KCNIP1: variants seen among roughly 807,000 people sequenced by gnomAD.
KCNIP1 encodes the protein A-type potassium channel modulatory protein KCNIP1.
KCNIP1 carries 18 observed loss-of-function variants against 33.0 expected under a neutral mutation model. That is an observed-to-expected ratio of 0.55 (90% confidence interval 0.38 to 0.81). KCNIP1 has a LOEUF of 0.81. KCNIP1 is among the 30% of genes least tolerant of loss of function. KCNIP1 has a pLI of 0.00. For missense variants in KCNIP1, 238 were observed against 271.6 expected (o/e 0.88, Z 0.87); for synonymous variants, 93 against 98.3 (o/e 0.95, Z 0.32).
intron 1 of KCNIP1, among the ~76,000 whole-genome samples, chr5:170,553,512 A>G (rs1041228701): frequency 6.6e-6 from 1 of 152,122 alleles, no homozygotes; most frequent in Non-Finnish European, 1.5e-5. Flanking sequence ...TAGGCTGTAC[A>G]TGATACCACC....
chr5:170,396,290 C>T (rs557585274), intron 1 of KCNIP1, among the ~76,000 whole-genome samples: 3 of 152,306 alleles, frequency 2.0e-5, no homozygotes, highest in East Asian at 1.9e-4. Flanking sequence ...TGCTCCCAGC[C>T]TGGGGAGACC....
At chr5:170,675,253 T>C (rs1762087240) in intron 1 of KCNIP1, among the ~76,000 whole-genome samples, 1 of 151,776 alleles carries the variant, frequency 6.6e-6, no homozygotes, top group Non-Finnish European at 1.5e-5. Context: ...GAACCATGAT[T>C]ACACCACTGA....
At chr5:170,367,480 C>T (rs1478417029) in intron 1 of KCNIP1, among the ~76,000 whole-genome samples, 3 of 151,100 alleles carry the variant, frequency 2.0e-5, no homozygotes, top group Non-Finnish European at 3.0e-5. Context: ...ATGTGCAGCA[C>T]CCAGCACAAG....
chr5:170,561,152 C>T lies in KCNIP1; in HGVS notation c.61+56519C>T. 3 of 455,676 alleles carry T rather than the reference C, an allele frequency of 6.6e-6. 1 individual carries two copies. Among genetic ancestry groups the T allele is most frequent in the Middle Eastern group, 3.3e-4 (1 of 3,064 alleles). 28.2% of individuals were successfully genotyped at this position (455,676 alleles called of 1,614,324 possible). ...TAAAGGAGCTGGAGATGTGTTTATG[C>T]TCCTTCGAGGGCTGAGATGAAACAC... On this transcript the variant is annotated intron_variant, in intron 1 of 7. Transcript: ENST00000328939.
chr5:170,451,775 A>AG (rs979474487), intron 1 of KCNIP1, among the ~76,000 whole-genome samples: 7 of 72,758 alleles, frequency 9.6e-5, no homozygotes, highest in Non-Finnish European at 1.7e-4. Context: ...GTGTGTTTGC[A>AG]GGGGGAAGAT....
intron 1 of KCNIP1, among the ~76,000 whole-genome samples, chr5:170,458,392 G>C (rs1756436408): frequency 6.6e-6 from 1 of 152,156 alleles, no homozygotes; most frequent in South Asian, 2.1e-4. Flanking sequence ...TAGACACATT[G>C]TCATCAGGTT....
At chr5:170,580,301 T>C (rs1327194800) in intron 1 of KCNIP1, among the ~76,000 whole-genome samples, 1 of 152,230 alleles carries the variant, frequency 6.6e-6, no homozygotes, top group Non-Finnish European at 1.5e-5. Context: ...AAGTACCATC[T>C]CTAGGAAGAC....
intron 1 of KCNIP1, among the ~76,000 whole-genome samples, chr5:170,417,820 T>C (rs924360837): frequency 6.6e-6 from 1 of 152,208 alleles, no homozygotes; most frequent in Non-Finnish European, 1.5e-5. Flanking sequence ...CTCTCTCTTC[T>C]TTTCCTAAGT....
At chr5:170,552,787 T>G (rs1756698165) in intron 1 of KCNIP1, among the ~76,000 whole-genome samples, 1 of 152,228 alleles carries the variant, frequency 6.6e-6, no homozygotes, top group African/African-American at 2.4e-5. Flanking sequence ...CGATTGATGC[T>G]TCCCAAGTTC....
intron 1 of KCNIP1, among the ~76,000 whole-genome samples, chr5:170,430,060 C>T (rs377341717): frequency 2.6e-5 from 4 of 152,362 alleles, no homozygotes; most frequent in East Asian, 1.9e-4. Context: ...TTGTCCCACA[C>T]ACTCTACTCC....
chr5:170,390,517 A>AAAAAAAAAAATATATAT, intron 1 of KCNIP1, among the ~76,000 whole-genome samples: 1 of 74,544 alleles, frequency 1.3e-5, no homozygotes, highest in African/African-American at 6.4e-5. Flanking sequence ...AAAAAAAACA[A>AAAAAAAAAAATATATAT]ATATATATAT....
intron 1 of KCNIP1, among the ~76,000 whole-genome samples, chr5:170,593,515 A>G (rs530273248): frequency 1.3e-5 from 2 of 152,360 alleles, no homozygotes; most frequent in East Asian, 3.9e-4. Context: ...ATTCTTCACT[A>G]TAATTAAAAT....
chr5:170,610,434 G>A (rs984784776), intron 1 of KCNIP1, among the ~76,000 whole-genome samples: 2 of 152,130 alleles, frequency 1.3e-5, no homozygotes, highest in South Asian at 2.1e-4. Flanking sequence ...TAGTTCCAGA[G>A]GCACCAAGCT....
intron 1 of KCNIP1, among the ~76,000 whole-genome samples, chr5:170,584,524 G>A (rs1213453577): frequency 6.6e-6 from 1 of 152,176 alleles, no homozygotes; most frequent in Non-Finnish European, 1.5e-5. Flanking sequence ...AGTAAGAAAA[G>A]CTGCATTTAA....
At chr5:170,702,418 A>T (rs919647466) in intron 1 of KCNIP1, among the ~76,000 whole-genome samples, 1 of 152,170 alleles carries the variant, frequency 6.6e-6, no homozygotes, top group Non-Finnish European at 1.5e-5. Flanking sequence ...GACTTATACA[A>T]CTTGTTGCCC....
At chr5:170,397,878 C>A (rs1436035446) in intron 1 of KCNIP1, among the ~76,000 whole-genome samples, 1 of 152,100 alleles carries the variant, frequency 6.6e-6, no homozygotes, top group Non-Finnish European at 1.5e-5. Context: ...AAAGGTGGGA[C>A]AACTTGAAGA....
At chr5:170,421,490 G>A (rs1755489702) in intron 1 of KCNIP1, among the ~76,000 whole-genome samples, 1 of 152,022 alleles carries the variant, frequency 6.6e-6, no homozygotes, top group Admixed American at 6.6e-5. Context: ...ATTTCTGAAG[G>A]CTGGGAAATC....
chr5:170,428,523 C>T (rs1755663527), intron 1 of KCNIP1, among the ~76,000 whole-genome samples: 1 of 151,664 alleles, frequency 6.6e-6, no homozygotes. Flanking sequence ...TGATATTTAT[C>T]ATCTTATATA....
chr5:170,683,941 G>A (rs1762454169), intron 1 of KCNIP1, among the ~76,000 whole-genome samples: 1 of 141,122 alleles, frequency 7.1e-6, no homozygotes, highest in Non-Finnish European at 1.6e-5. Context: ...TGTGTTAGTA[G>A]AGACAGGGTT....
Sources: allele counts gnomAD v4.1 joint callset (sites outside exome capture counted in the v4.1 genomes callset), GRCh38; gene constraint gnomAD v4.1.1; transcripts MANE v1.5; gene names NCBI Gene and HGNC (gene_info 2026-07-23, HGNC 2026-07-21).